TNIK: variants seen among roughly 807,000 people sequenced by gnomAD.
TNIK encodes the protein TRAF2 and NCK-interacting protein kinase.
Under a neutral mutation model 191.3 loss-of-function variants are expected in TNIK, and 49 were observed. That is an observed-to-expected ratio of 0.26 (90% CI 0.20 to 0.32). The LOEUF is 0.32. TNIK is among the 10% of genes least tolerant of loss of function. The pLI, the probability that TNIK is intolerant of heterozygous loss-of-function variation, is 1.00. For synonymous variants in TNIK, 594 were observed against 600.9 expected (o/e 0.99, Z 0.17); for missense variants, 1,155 against 1,702.3 (o/e 0.68, Z 5.66).
At chr3:171,423,674 T>C (rs1218980764) in intron 1 of TNIK, among the ~76,000 whole-genome samples, 1 of 152,094 alleles carries the variant, frequency 6.6e-6, no homozygotes, top group Non-Finnish European at 1.5e-5. Flanking sequence ...TCAGAAATAA[T>C]GCCACATATC....
chr3:171,426,766 C>T (rs1438935796), intron 1 of TNIK, among the ~76,000 whole-genome samples: 2 of 152,030 alleles, frequency 1.3e-5, no homozygotes, highest in Non-Finnish European at 2.9e-5. Context: ...TTTACTTTCC[C>T]GGTAAGGCCA....
chr3:171,116,430 A>C (rs1726708965), intron 18 of TNIK, among the ~76,000 whole-genome samples: 1 of 152,272 alleles, frequency 6.6e-6, no homozygotes, highest in Non-Finnish European at 1.5e-5. Flanking sequence ...TGCTAGGTCT[A>C]TAAAACTCAC....
At chr3:171,403,822 AC>A (rs1253092316) in intron 1 of TNIK, among the ~76,000 whole-genome samples, 5 of 152,194 alleles carry the variant, frequency 3.3e-5, no homozygotes, top group Non-Finnish European at 7.3e-5. Context: ...ATGTGAAAGT[AC>A]TACCTGTTCA....
At chr3:171,237,144 G>GT (rs1458008635) in intron 2 of TNIK, among the ~76,000 whole-genome samples, 1 of 152,164 alleles carries the variant, frequency 6.6e-6, no homozygotes, top group Non-Finnish European at 1.5e-5. Context: ...GGACCACAGT[G>GT]TTCCCAGCTA....
At position 171,248,528 on chromosome 3, in the gene TNIK, T is replaced by G. The variant is rs186330668; in HGVS notation, c.124-20307A>C. Among the ~76,000 whole-genome samples, 7 of 152,292 alleles carry G rather than the reference T, an allele frequency of 4.6e-5. No individual in the cohort carries two copies. The East Asian group carries it at 1.4e-3, about 29-fold the overall frequency. ...GCCCAAGGCTGGAGAGACAAGTTAT[T>G]AAAGTTTCATGGGGACTGAGAGACT... On this transcript the variant is annotated intron_variant, in intron 2 of 32. Coordinates refer to ENST00000436636, the MANE Select transcript of TNIK (RefSeq NM_015028.4).
intron 3 of TNIK, among the ~76,000 whole-genome samples, chr3:171,212,629 G>C (rs1560270013): frequency 6.6e-6 from 1 of 152,064 alleles, no homozygotes; most frequent in African/African-American, 2.4e-5. Flanking sequence ...TTTATCATTT[G>C]ATTAAGGTCT....
In TNIK at chr3:171,085,102, G is replaced by T. The variant is rs1185468659; in HGVS notation, c.2998+16C>A. On this transcript the variant is annotated intron_variant, in intron 25 of 32. Transcript: ENST00000436636. ...AGACGAAGCTGTTTTTTAAACACAGGGCCCTTCTTGCTTACCTGCGGCTGA... is the reference window on the plus strand; with the variant it reads ...AGACGAAGCTGTTTTTTAAACACAGTGCCCTTCTTGCTTACCTGCGGCTGA... The T allele has an allele frequency of 2.3e-5, 36 of 1,586,564 alleles. No homozygotes were observed. The highest frequency in any genetic ancestry group is 2.9e-5 in the Non-Finnish European group (34 of 1,165,218).
rs977600738 is a variant in TNIK at position 171,060,945 on chromosome 3, C to T, written c.*2936G>A. Reference sequence around the variant, plus strand: ...GGAGGGCTCAGTTTCTCCAGTTTCTCTTTGTAGGAAAATAAAAATAAAATG... The same window carrying T: ...GGAGGGCTCAGTTTCTCCAGTTTCTTTTTGTAGGAAAATAAAAATAAAATG... On this transcript the variant is annotated 3_prime_UTR_variant, in exon 33 of 33. Coordinates refer to ENST00000436636, the MANE Select transcript of TNIK (RefSeq NM_015028.4). Among the ~76,000 whole-genome samples the T allele has an allele frequency of 6.6e-6, 1 of 152,078 alleles. No homozygotes were observed. Among genetic ancestry groups the T allele is most frequent in the Non-Finnish European group, 1.5e-5 (1 of 68,010 alleles).
At chr3:171,315,435 A>G (rs1481504145) in intron 2 of TNIK, among the ~76,000 whole-genome samples, 1 of 152,142 alleles carries the variant, frequency 6.6e-6, no homozygotes, top group Non-Finnish European at 1.5e-5. Context: ...TCATTGACCC[A>G]CACATTAGTG....
chr3:171,323,255 A>G (rs1401501369), intron 2 of TNIK, among the ~76,000 whole-genome samples: 1 of 152,190 alleles, frequency 6.6e-6, no homozygotes, highest in East Asian at 1.9e-4. Flanking sequence ...GTCTTTCTTC[A>G]TATTCCATGT....
rs530204393 is a variant in TNIK, at chr3:171,178,407, T to C, written c.640-1027A>G. ...TATTTGTTGAAAAGATAAACAATTA[T>C]TGCCTATTTTGTGAGTAGACTAGTA... On this transcript the variant is annotated intron_variant, in intron 7 of 32. Transcript: ENST00000436636. Among the ~76,000 whole-genome samples, 3 of 143,246 alleles carry C rather than the reference T, an allele frequency of 2.1e-5. No homozygotes were observed. In the South Asian group the frequency reaches 7.2e-4, roughly 34 times the overall value. 94.0% of individuals were successfully genotyped at this position (143,246 alleles called of 152,430 possible).
At chr3:171,260,980 T>A (rs1747534381) in intron 2 of TNIK, among the ~76,000 whole-genome samples, 1 of 152,248 alleles carries the variant, frequency 6.6e-6, no homozygotes, top group Admixed American at 6.5e-5. Context: ...TTATCTTACA[T>A]TAGGTATTTT....
chr3:171,390,454 G>C (rs570621584), intron 1 of TNIK, among the ~76,000 whole-genome samples: 1 of 152,102 alleles, frequency 6.6e-6, no homozygotes, highest in African/African-American at 2.4e-5. Flanking sequence ...AAGGCCTTTC[G>C]TTCTCACCGT....
At chr3:171,283,181 C>T (rs1401924702) in intron 2 of TNIK, among the ~76,000 whole-genome samples, 1 of 149,468 alleles carries the variant, frequency 6.7e-6, no homozygotes, top group Non-Finnish European at 1.5e-5. Context: ...AAAAGCCCCT[C>T]ATGTAATGTT....
Position 171,085,093 on chromosome 3 carries a change from TA to T in TNIK, c.2998+24del, listed in dbSNP as rs532869051. ...CAGAAAGGAAGACGAAGCTGTTTTT[TA>T]AACACAGGGCCCTTCTTGCTTACCT... On this transcript the variant is annotated intron_variant, in intron 25 of 32. Transcript: ENST00000436636. The T allele has an allele frequency of 2.7e-3, 4,207 of 1,571,516 alleles. 10 individuals are homozygous for T. The highest frequency in any genetic ancestry group is 3.4e-3 in the Non-Finnish European group (3,900 of 1,156,784).
chr3:171,118,344 G>A lies in TNIK; in HGVS notation c.2120+5252C>T, dbSNP rs570978701. 4.9e-4 allele frequency among the ~76,000 whole-genome samples: 75 copies of A among 152,306 alleles called. 1 individual carries two copies. The South Asian group carries it at 0.012, about 24-fold the overall frequency. On this transcript the variant is annotated intron_variant, in intron 18 of 32. Coordinates refer to ENST00000436636, the MANE Select transcript of TNIK (RefSeq NM_015028.4). ...CTCATGGATAGGAAGAATCAATATC[G>A]TGAAAATGGCCATACTGCCCAAGGT...
chr3:171,263,718 A>T (rs1747978772), intron 2 of TNIK, among the ~76,000 whole-genome samples: 2 of 151,982 alleles, frequency 1.3e-5, no homozygotes, highest in Non-Finnish European at 2.9e-5. Flanking sequence ...TTCTGACAAG[A>T]GCCATTATTA....
At chr3:171,136,224 C>T (rs1729958329) in intron 15 of TNIK, among the ~76,000 whole-genome samples, 1 of 152,138 alleles carries the variant, frequency 6.6e-6, no homozygotes, top group African/African-American at 2.4e-5. Flanking sequence ...CACTGAAAGC[C>T]AAGTGGTCAT....
chr3:171,136,442 T>G (rs13087431), intron 15 of TNIK, among the ~76,000 whole-genome samples: 18,845 of 152,130 alleles, frequency 0.12, 1,672 homozygotes, highest in African/African-American at 0.25. Context: ...AACTCTCGAG[T>G]TGGGCTACAT....
Sources: gnomAD v4.1 joint callset for allele counts (sites outside exome capture counted in the v4.1 genomes callset) on GRCh38, gnomAD v4.1.1 for gene constraint, MANE v1.5 for transcripts, NCBI Gene and HGNC (gene_info 2026-07-23, HGNC 2026-07-21) for gene names.